Variants in KCNU1 observed in about 807,000 individuals in gnomAD.
KCNU1 encodes the protein potassium channel subfamily U member 1.
KCNU1 carries 93 observed loss-of-function variants against 126.8 expected under a neutral mutation model. The observed-to-expected ratio is 0.73, with a 90% CI of 0.62 to 0.87. The LOEUF is 0.87. Ranked by LOEUF, KCNU1 falls within the 40% of genes least tolerant of loss-of-function variation. The pLI, the probability that KCNU1 is intolerant of heterozygous loss-of-function variation, is 0.00. For synonymous variants in KCNU1, 523 were observed against 494.2 expected (o/e 1.06, Z -0.77); for missense variants, 1,330 against 1,367.1 (o/e 0.97, Z 0.43).
intron 1 of KCNU1, 44 bp from the exon 2 acceptor site, chr8:36,787,262 C>T: frequency 1.3e-6 from 2 of 1,547,770 alleles, no homozygotes; most frequent in Non-Finnish European, 8.8e-7. Flanking sequence ...ATTTCTTTCT[C>T]TCAGATCCAG....
chr8:36,919,731 C>T, intron 23 of KCNU1, among the ~76,000 whole-genome samples: 1 of 152,180 alleles, frequency 6.6e-6, no homozygotes, highest in East Asian at 1.9e-4. Context: ...AAAAACTGGT[C>T]CTGGCTGTGA....
Position 36,831,416 on chromosome 8 carries a change from A to G in KCNU1, c.1107-2138A>G, listed in dbSNP as rs558307220. Among the ~76,000 whole-genome samples, 25 of 152,002 alleles carry G rather than the reference A, an allele frequency of 1.6e-4. 1 individual carries two copies. In the South Asian group the frequency reaches 4.8e-3, roughly 29 times the overall value. On this transcript the variant is annotated intron_variant, in intron 10 of 26. Coordinates refer to ENST00000399881, the MANE Select transcript of KCNU1 (RefSeq NM_001031836.3). ...CCTATTTCTCCACATCCTCTCCAGCACCTGTTGTTTCCTGACTTTTTAATG... is the reference window on the plus strand; with the variant it reads ...CCTATTTCTCCACATCCTCTCCAGCGCCTGTTGTTTCCTGACTTTTTAATG...
intron 18 of KCNU1, among the ~76,000 whole-genome samples, chr8:36,853,776 T>A (rs1384022937): frequency 1.3e-5 from 2 of 152,134 alleles, no homozygotes; most frequent in Non-Finnish European, 2.9e-5. Context: ...AGTTGGTTTA[T>A]AGGGTCGGTT....
chr8:36,840,928 C>T lies in KCNU1; in HGVS notation c.1632-4C>T. 1 of 1,609,828 alleles carries T rather than the reference C, an allele frequency of 6.2e-7. No homozygotes were observed. Among genetic ancestry groups the T allele is most frequent in the South Asian group, 1.1e-5 (1 of 91,000 alleles). ...TCCTTTTGACTCCTCGTCTTCCTTC[C>T]CAGGCTCTGCTTTCTGAAGATGCAC... On this transcript the variant is annotated splice_region_variant and splice_polypyrimidine_tract_variant and intron_variant, in intron 15 of 26. Coordinates refer to ENST00000399881, the MANE Select transcript of KCNU1 (RefSeq NM_001031836.3).
At chr8:36,835,564 C>T (rs1348147863) in intron 12 of KCNU1, among the ~76,000 whole-genome samples, 1 of 152,118 alleles carries the variant, frequency 6.6e-6, no homozygotes, top group Non-Finnish European at 1.5e-5. Context: ...TGGTCTTGAA[C>T]TCCTGAGCTC....
intron 23 of KCNU1, among the ~76,000 whole-genome samples, chr8:36,921,298 C>T (rs1288798336): frequency 6.6e-6 from 1 of 152,134 alleles, no homozygotes; most frequent in Non-Finnish European, 1.5e-5. Context: ...GGATAGGAAC[C>T]TGAGCTCAGG....
chr8:36,898,151 A>G (rs1428910394), intron 19 of KCNU1, among the ~76,000 whole-genome samples: 1 of 152,166 alleles, frequency 6.6e-6, no homozygotes, highest in Non-Finnish European at 1.5e-5. Context: ...ATTCAGCCAC[A>G]GGGATTTCAG....
At chr8:36,907,684 T>C (rs1179386378) in intron 20 of KCNU1, among the ~76,000 whole-genome samples, 1 of 152,214 alleles carries the variant, frequency 6.6e-6, no homozygotes, top group Non-Finnish European at 1.5e-5. Context: ...TTATTTATCC[T>C]GTTAGACTTC....
chr8:36,911,615 T>C (rs1372247890), intron 22 of KCNU1, among the ~76,000 whole-genome samples: 1 of 152,202 alleles, frequency 6.6e-6, no homozygotes, highest in Admixed American at 6.5e-5. Context: ...AAGACTAAGA[T>C]CTTTTCTAAC....
At chr8:36,789,715 A>G (rs934680437) in intron 2 of KCNU1, among the ~76,000 whole-genome samples, 2 of 152,260 alleles carry the variant, frequency 1.3e-5, no homozygotes, top group African/African-American at 2.4e-5. Context: ...TTACAGAGTA[A>G]GATCACAGTG....
chr8:36,833,430 A>C lies in KCNU1; in HGVS notation c.1107-124A>C, dbSNP rs1804628101. The C allele has an allele frequency of 2.1e-5, 11 of 520,348 alleles. No homozygotes were observed. The Admixed American group carries it at 3.4e-4, about 16-fold the overall frequency. The allele number at this position is 520,348 out of a possible 1,614,324, so 32.2% of individuals were successfully genotyped here. A position where few individuals can be genotyped will look rare whatever the true frequency, so the allele number is the denominator to read the frequency against. On this transcript the variant is annotated intron_variant, in intron 10 of 26. Transcript: ENST00000399881. ...TTTTTAAAAAAATAGTATTAACTTG[A>C]TTTGTATTTTTTCATATCACTATGA...
intron 24 of KCNU1, among the ~76,000 whole-genome samples, chr8:36,928,744 C>T (rs759689954): frequency 6.6e-5 from 10 of 152,082 alleles, no homozygotes; most frequent in Non-Finnish European, 1.3e-4. Context: ...TTCAGTGCAC[C>T]ACTGAGGATA....
In KCNU1 at chr8:36,834,822, C is replaced by A. The variant is rs1298543272; in HGVS notation, c.1249C>A (p.Pro417Thr). Residue 417 changes from proline (P) to threonine (T), a missense_variant, in exon 12 of 27, where the codon CCT becomes ACT. Coordinates refer to ENST00000399881, the MANE Select transcript of KCNU1 (RefSeq NM_001031836.3). ...SAEACLIIAN[P>T]LCSDSHAEDI... is the part of the protein sequence containing the mutation. Reference sequence around the variant, plus strand: ...AGAGGCATGCCTGATTATAGCCAATCCTTTGTGCAGTGATTCCCATGCTGA... The same window carrying A: ...AGAGGCATGCCTGATTATAGCCAATACTTTGTGCAGTGATTCCCATGCTGA... 6.2e-7 allele frequency: 1 copy of A among 1,612,294 alleles called. No individual in the cohort carries two copies. The highest frequency in any genetic ancestry group is 1.7e-5 in the Admixed American group (1 of 59,888).
Position 36,927,887 on chromosome 8 carries a change from G to A in KCNU1, c.2737-3064G>A, listed in dbSNP as rs559786852. Reference sequence around the variant, plus strand: ...TCAACTTGCAGATTTTCTTGTGAAAGACAAGAGGGATGGAGAGAGAGAACA... The same window carrying A: ...TCAACTTGCAGATTTTCTTGTGAAAAACAAGAGGGATGGAGAGAGAGAACA... On this transcript the variant is annotated intron_variant, in intron 24 of 26. Transcript: ENST00000399881. Among the ~76,000 whole-genome samples, 69 of 150,330 alleles carry A rather than the reference G, an allele frequency of 4.6e-4. No homozygotes were observed. The East Asian group carries it at 0.012, about 27-fold the overall frequency.
At chr8:36,815,882 C>T (rs895265188) in intron 9 of KCNU1, among the ~76,000 whole-genome samples, 195 bp downstream of exon 9, 3 of 152,178 alleles carry the variant, frequency 2.0e-5, no homozygotes, top group Non-Finnish European at 4.4e-5. Flanking sequence ...ACCCAAACCA[C>T]TACATAGATG....
intron 22 of KCNU1, among the ~76,000 whole-genome samples, chr8:36,912,499 A>T (rs1265199161): frequency 1.3e-5 from 2 of 152,014 alleles, no homozygotes; most frequent in Non-Finnish European, 2.9e-5. Context: ...GGTGAGCCCT[A>T]CCTCTGCTGA....
intron 19 of KCNU1, among the ~76,000 whole-genome samples, chr8:36,887,954 G>T (rs898424761): frequency 1.3e-5 from 2 of 152,102 alleles, no homozygotes; most frequent in African/African-American, 4.8e-5. Flanking sequence ...CAATAGAAGG[G>T]ACGGGGGTAT....
At chr8:36,866,430 A>G (rs1463558774) in intron 19 of KCNU1, among the ~76,000 whole-genome samples, 1 of 152,146 alleles carries the variant, frequency 6.6e-6, no homozygotes, top group East Asian at 1.9e-4. Flanking sequence ...AAGTCCGGGA[A>G]TTACAGTTTG....
intron 20 of KCNU1, among the ~76,000 whole-genome samples, chr8:36,909,093 G>A (rs1201649218): frequency 6.6e-6 from 1 of 152,176 alleles, no homozygotes; most frequent in Non-Finnish European, 1.5e-5. Context: ...TAGAAAGAAA[G>A]TGAAATAAAA....
Sources: allele counts gnomAD v4.1 joint callset (sites outside exome capture counted in the v4.1 genomes callset), GRCh38; gene constraint gnomAD v4.1.1; transcripts MANE v1.5; gene names NCBI Gene and HGNC (gene_info 2026-07-23, HGNC 2026-07-21).